KCNIP4: variants seen among roughly 807,000 people sequenced by gnomAD.
KCNIP4 encodes the protein potassium voltage-gated channel interacting protein 4.
KCNIP4 carries 12 observed loss-of-function variants against 34.0 expected under a neutral mutation model. That is an observed-to-expected ratio of 0.35 (90% CI 0.23 to 0.57). The LOEUF (loss-of-function observed/expected upper bound fraction) is 0.57, where lower values mean the gene tolerates loss of function less well. Among genes scored for constraint, KCNIP4 ranks in the 20% least tolerant of loss-of-function variants. KCNIP4 has a pLI of 0.83. For synonymous variants in KCNIP4, 124 were observed against 102.2 expected (o/e 1.21, Z -1.29); for missense variants, 238 against 311.7 (o/e 0.76, Z 1.78).
intron 1 of KCNIP4, among the ~76,000 whole-genome samples, chr4:20,944,391 C>T (rs1731970236): frequency 1.3e-5 from 2 of 152,326 alleles, no homozygotes; most frequent in Non-Finnish European, 2.9e-5. Context: ...CTATCCCTTT[C>T]ACTCAAGGTG....
At chr4:21,398,219 T>G (rs1723171402) in intron 1 of KCNIP4, among the ~76,000 whole-genome samples, 1 of 152,224 alleles carries the variant, frequency 6.6e-6, no homozygotes. Flanking sequence ...CTGCGGTAAG[T>G]GCACAAATTA....
intron 1 of KCNIP4, among the ~76,000 whole-genome samples, chr4:21,288,013 A>G (rs1347506214): frequency 2.0e-5 from 3 of 152,212 alleles, no homozygotes; most frequent in Admixed American, 1.3e-4. Flanking sequence ...AAATATAAGT[A>G]TAAATTAGAA....
At chr4:21,152,648 G>A (rs996909498) in intron 1 of KCNIP4, among the ~76,000 whole-genome samples, 6 of 151,954 alleles carry the variant, frequency 3.9e-5, no homozygotes, top group African/African-American at 1.5e-4. Flanking sequence ...TAAAGAATGA[G>A]TCCCCAATCC....
chr4:21,027,990 A>G (rs917392239), intron 1 of KCNIP4, among the ~76,000 whole-genome samples: 3 of 152,072 alleles, frequency 2.0e-5, no homozygotes, highest in African/African-American at 7.2e-5. Flanking sequence ...TCTCACAATC[A>G]CTGTGTCCTT....
At chr4:20,731,396 C>T in intron 8 of KCNIP4, 1 of 985,230 alleles carries the variant, frequency 1.0e-6, no homozygotes, top group Admixed American at 6.1e-5. Context: ...AACTGTGGTT[C>T]TGCCCACACA....
chr4:21,782,837 T>A (rs953588369), intron 1 of KCNIP4, among the ~76,000 whole-genome samples: 4 of 151,846 alleles, frequency 2.6e-5, no homozygotes, highest in African/African-American at 9.7e-5. Flanking sequence ...AATTCAGGAA[T>A]AAAAAAGAAC....
intron 1 of KCNIP4, among the ~76,000 whole-genome samples, chr4:21,062,965 A>G (rs1386539124): frequency 6.6e-6 from 1 of 152,184 alleles, no homozygotes; most frequent in Non-Finnish European, 1.5e-5. Context: ...ATAATGTTTG[A>G]TCAAATATCT....
chr4:21,702,819 A>G (rs1312761103), intron 1 of KCNIP4, among the ~76,000 whole-genome samples: 1 of 152,130 alleles, frequency 6.6e-6, no homozygotes, highest in Non-Finnish European at 1.5e-5. Flanking sequence ...GTATAGACAA[A>G]TATCTCTTAG....
intron 1 of KCNIP4, among the ~76,000 whole-genome samples, chr4:21,048,666 T>C (rs1742641711): frequency 6.6e-6 from 1 of 152,216 alleles, no homozygotes; most frequent in African/African-American, 2.4e-5. Context: ...AGTGAAAGAA[T>C]ACTTGTAAGT....
chr4:21,437,477 T>C (rs1450734227), intron 1 of KCNIP4, among the ~76,000 whole-genome samples: 2 of 152,198 alleles, frequency 1.3e-5, no homozygotes, highest in Non-Finnish European at 2.9e-5. Context: ...CCATTTCCCA[T>C]TCCGTTCTCC....
intron 3 of KCNIP4, among the ~76,000 whole-genome samples, chr4:20,761,647 G>T (rs143603754): frequency 2.0e-5 from 3 of 152,072 alleles, no homozygotes; most frequent in Non-Finnish European, 4.4e-5. Flanking sequence ...AAAGGAAGAG[G>T]ACTTCAAGCA....
intron 1 of KCNIP4, among the ~76,000 whole-genome samples, chr4:21,532,842 C>A (rs142698804): frequency 6.6e-6 from 1 of 151,776 alleles, no homozygotes; most frequent in Admixed American, 6.6e-5. Flanking sequence ...TTAACCTTGG[C>A]GTTTGTTTTA....
chr4:21,396,871 C>G (rs1723057010), intron 1 of KCNIP4, among the ~76,000 whole-genome samples: 1 of 152,168 alleles, frequency 6.6e-6, no homozygotes, highest in Non-Finnish European at 1.5e-5. Context: ...GCCTTGCTGA[C>G]ACCTTGATTT....
intron 1 of KCNIP4, among the ~76,000 whole-genome samples, chr4:21,395,148 T>C (rs1722880153): frequency 6.6e-6 from 1 of 152,134 alleles, no homozygotes; most frequent in African/African-American, 2.4e-5. Flanking sequence ...AAAGAAATCT[T>C]CTTAAAACTT....
intron 1 of KCNIP4, among the ~76,000 whole-genome samples, chr4:21,798,554 G>A (rs374195110): frequency 6.4e-5 from 7 of 109,764 alleles, no homozygotes; most frequent in Admixed American, 1.8e-4. Flanking sequence ...GAGAGAAAGA[G>A]AGAAAGAAAA....
chr4:21,457,114 G>A (rs1729019132), intron 1 of KCNIP4, among the ~76,000 whole-genome samples: 1 of 151,868 alleles, frequency 6.6e-6, no homozygotes, highest in Non-Finnish European at 1.5e-5. Flanking sequence ...TTTACTGTCT[G>A]CTTCATTGAG....
chr4:21,169,835 A>C (rs1753889961), intron 1 of KCNIP4, among the ~76,000 whole-genome samples: 1 of 152,038 alleles, frequency 6.6e-6, no homozygotes, highest in Admixed American at 6.6e-5. Flanking sequence ...CTGTATTCAC[A>C]ATCTTTTGTG....
At chr4:21,538,128 G>T (rs952545689) in intron 1 of KCNIP4, among the ~76,000 whole-genome samples, 2 of 150,802 alleles carry the variant, frequency 1.3e-5, no homozygotes, top group African/African-American at 4.9e-5. Flanking sequence ...GCATTTATAA[G>T]CCTAAGAATG....
chr4:20,836,857 T>C (rs1719093357), intron 3 of KCNIP4, among the ~76,000 whole-genome samples: 1 of 147,322 alleles, frequency 6.8e-6, no homozygotes, highest in African/African-American at 2.6e-5. Flanking sequence ...GGAGTCTCTT[T>C]CATAGAGTTC....
Sources: gnomAD v4.1 joint callset for allele counts (sites outside exome capture counted in the v4.1 genomes callset) on GRCh38, gnomAD v4.1.1 for gene constraint, MANE v1.5 for transcripts, NCBI Gene and HGNC (gene_info 2026-07-23, HGNC 2026-07-21) for gene names.